Variants in HLCS observed in about 807,000 individuals in gnomAD.
HLCS encodes the protein biotin--protein ligase.
In HLCS, 53 loss-of-function variants were observed where a neutral mutation model predicts 75.0. The observed-to-expected ratio is 0.71, with a 90% CI of 0.57 to 0.89. HLCS has a LOEUF of 0.89. Among genes scored for constraint, HLCS ranks in the 40% least tolerant of loss-of-function variants. The pLI is 0.00. For missense variants in HLCS, 966 were observed against 1,074.0 expected, an observed-to-expected ratio of 0.90 and a Z score of 1.41; for synonymous variants, 431 against 428.6, an observed-to-expected ratio of 1.01 and a Z score of -0.07.
rs576658986 is a variant in HLCS, at chr21:36,760,272, C to T, written c.2122-431G>A. Among the ~76,000 whole-genome samples the T allele has an allele frequency of 3.9e-5, 6 of 152,172 alleles. No homozygotes were observed. In the South Asian group the frequency reaches 1.0e-3, roughly 26 times the overall value. ...ACCCATGCTTGAGAGACAAAGATGG[C>T]CCTGAATTAACCAAGGTCACAAAAG... On this transcript the variant is annotated intron_variant, in intron 8 of 10. Coordinates refer to ENST00000674895, the MANE Select transcript of HLCS (RefSeq NM_001352514.2).
chr21:36,808,113 T>C (rs1569038864), intron 6 of HLCS, among the ~76,000 whole-genome samples: 1 of 152,102 alleles, frequency 6.6e-6, no homozygotes, highest in African/African-American at 2.4e-5. Flanking sequence ...AAAGACATTT[T>C]GGTATATTTT....
intron 6 of HLCS, among the ~76,000 whole-genome samples, chr21:36,848,560 G>A (rs1159521644): frequency 2.0e-5 from 3 of 152,094 alleles, no homozygotes; most frequent in Non-Finnish European, 4.4e-5. Context: ...GAGCCACCGC[G>A]CCCAGCCTCA....
At chr21:36,929,202 C>T (rs1018913336) in intron 5 of HLCS, among the ~76,000 whole-genome samples, 2 of 152,220 alleles carry the variant, frequency 1.3e-5, no homozygotes, top group African/African-American at 4.8e-5. Context: ...ATCAGAACTC[C>T]GAGAAAGGGC....
chr21:36,977,682 C>T (rs1198669788), intron 1 of HLCS, among the ~76,000 whole-genome samples: 1 of 152,180 alleles, frequency 6.6e-6, no homozygotes, highest in East Asian at 1.9e-4. Context: ...GAATCAGAAA[C>T]CCTGGGTTCA....
chr21:36,921,043 C>T (rs957939828), intron 5 of HLCS, among the ~76,000 whole-genome samples: 1 of 152,182 alleles, frequency 6.6e-6, no homozygotes. Flanking sequence ...TTCAATCACT[C>T]TTCAGTGAAC....
intron 5 of HLCS, among the ~76,000 whole-genome samples, chr21:36,925,348 C>T (rs995315060): frequency 1.1e-4 from 16 of 152,308 alleles, no homozygotes; most frequent in African/African-American, 3.9e-4. Flanking sequence ...CACCTACACA[C>T]TGTTAGCCAC....
chr21:36,987,068 CCT>C (rs755307299), intron 1 of HLCS, among the ~76,000 whole-genome samples: 17 of 152,186 alleles, frequency 1.1e-4, no homozygotes, highest in African/African-American at 1.9e-4. Context: ...CAAGCTGACC[CCT>C]GTGTCCTTCT....
Position 36,936,619 on chromosome 21 carries a change from C to T in HLCS, c.1267G>A (p.Asp423Asn). ...ACGCTGAGCTTCACCTCGCTCTGGT[C>T]AGCCTTGGAGAAAACCAAGTTCTGG... Reference protein sequence around the residue: ...TVQNLVFSKADQSEVKLSVLS... With the variant: ...TVQNLVFSKANQSEVKLSVLS... The change falls in exon 4 of 11, where the codon GAC (aspartate) becomes AAC (asparagine). Residue 423 changes from aspartate (D) to asparagine (N), a missense_variant. By Grantham distance (23) the Asp-to-Asn change is conservative. Coordinates refer to ENST00000674895, the MANE Select transcript of HLCS (RefSeq NM_001352514.2). 6.2e-7 allele frequency: 1 copy of T among 1,614,220 alleles called. No individual in the cohort carries two copies. Among genetic ancestry groups the T allele is most frequent in the Non-Finnish European group, 8.5e-7 (1 of 1,180,042 alleles).
rs1156591938 is a variant in HLCS, at chr21:36,750,305, C to T, written c.*3941G>A. ...ATCAAATGGATTTGAGAAATAAGCC[C>T]AATTCAAGGCTGGCTCAGCCCTCCA... On this transcript the variant is annotated 3_prime_UTR_variant, in exon 11 of 11. Transcript: ENST00000674895. Among the ~76,000 whole-genome samples, 3 of 152,224 alleles carry T rather than the reference C, an allele frequency of 2.0e-5. No individual in the cohort carries two copies. Among genetic ancestry groups the T allele is most frequent in the Admixed American group, 6.5e-5 (1 of 15,284 alleles).
At chr21:36,925,290 G>A (rs891079327) in intron 5 of HLCS, among the ~76,000 whole-genome samples, 1 of 152,066 alleles carries the variant, frequency 6.6e-6, no homozygotes, top group African/African-American at 2.4e-5. Flanking sequence ...GATCCCAGCT[G>A]GACACAGGAC....
chr21:36,846,942 CA>C (rs1174367980), intron 6 of HLCS, among the ~76,000 whole-genome samples: 19 of 152,292 alleles, frequency 1.2e-4, no homozygotes, highest in African/African-American at 4.3e-4. Context: ...AGGGGATTTT[CA>C]AAAGGCCATT....
intron 6 of HLCS, among the ~76,000 whole-genome samples, chr21:36,770,646 CT>C (rs2060176623): frequency 6.6e-6 from 1 of 150,868 alleles, no homozygotes; most frequent in Non-Finnish European, 1.5e-5. Flanking sequence ...CAGTGACTCA[CT>C]ATAGCCTGGA....
At chr21:36,760,880 G>T (rs889115089) in intron 8 of HLCS, among the ~76,000 whole-genome samples, 1 of 152,232 alleles carries the variant, frequency 6.6e-6, no homozygotes, top group African/African-American at 2.4e-5. Context: ...CACAGAGACG[G>T]GGCTAGCCGA....
At chr21:36,759,539 G>A (rs113962782) in intron 9 of HLCS, among the ~76,000 whole-genome samples, 188 bp downstream of exon 9, 1 of 152,320 alleles carries the variant, frequency 6.6e-6, no homozygotes, top group African/African-American at 2.4e-5. Flanking sequence ...GTCACACACA[G>A]AAAATGCTAA....
intron 7 of HLCS, among the ~76,000 whole-genome samples, chr21:36,765,809 G>C (rs1368899863): frequency 1.3e-5 from 2 of 152,112 alleles, no homozygotes; most frequent in Non-Finnish European, 2.9e-5. Context: ...ACCATTCCCA[G>C]GTAAGTTTTG....
intron 6 of HLCS, among the ~76,000 whole-genome samples, chr21:36,773,665 C>T (rs2145805304): frequency 6.6e-6 from 1 of 152,310 alleles, no homozygotes; most frequent in South Asian, 2.1e-4. Flanking sequence ...TACAGAGAGA[C>T]ACACACTCTC....
intron 6 of HLCS, among the ~76,000 whole-genome samples, chr21:36,811,311 A>T (rs1447323170): frequency 1.3e-5 from 2 of 152,238 alleles, no homozygotes; most frequent in East Asian, 3.8e-4. Context: ...AGACTATTAC[A>T]GTACAAGCTA....
At chr21:36,939,108 C>A in intron 2 of HLCS, 114 bp from the exon 3 acceptor site, 1 of 901,940 alleles carries the variant, frequency 1.1e-6, no homozygotes, top group Non-Finnish European at 1.6e-6. Flanking sequence ...AAATTACAGT[C>A]ATTAATAACA....
At chr21:36,907,362 A>G (rs904943222) in intron 5 of HLCS, among the ~76,000 whole-genome samples, 2 of 152,190 alleles carry the variant, frequency 1.3e-5, no homozygotes, top group African/African-American at 4.8e-5. Flanking sequence ...CTGTTCTTGA[A>G]GAGATAATGC....
Sources: gnomAD v4.1 joint callset for allele counts (sites outside exome capture counted in the v4.1 genomes callset) on GRCh38, gnomAD v4.1.1 for gene constraint, MANE v1.5 for transcripts, NCBI Gene and HGNC (gene_info 2026-07-23, HGNC 2026-07-21) for gene names.